The following MAP3K1 variants were observed in gnomAD, a reference collection of about 807,000 sequenced individuals.
MAP3K1 encodes mitogen-activated protein kinase kinase kinase 1, also known as MAP/ERK kinase kinase 1.
A neutral mutation model predicts 144.2 loss-of-function variants in MAP3K1; 36 were observed. The ratio of observed to expected loss-of-function variants is 0.25; its 90% CI spans 0.19 to 0.33. The LOEUF is 0.33. Among genes scored for constraint, MAP3K1 ranks in the 10% least tolerant of loss-of-function variants. The pLI, the probability that MAP3K1 is intolerant of heterozygous loss-of-function variation, is 1.00. For missense variants in MAP3K1, 1,650 were observed against 1,881.9 expected (o/e 0.88, Z 2.28); for synonymous variants, 718 against 688.7 (o/e 1.04, Z -0.67).
Position 56,859,785 on chromosome 5 carries a change from A to G in MAP3K1, c.704A>G (p.Glu235Gly), listed in dbSNP as rs1005480603. ...CACTTAGCAGCTGAGTCTCCAGGAG[A>G]GGTCCAGGCAAGTGCGGCTTCACCA... ...MNHLAAESPG[E>G]VQASAASPAS... The change falls in exon 3 of 20, where the codon GAG (glutamate) becomes GGG (glycine). Residue 235 changes from glutamate (E) to glycine (G), a missense_variant. By Grantham distance (98) the Glu-to-Gly change is moderately conservative (BLOSUM62 -2). Around this residue, in one of 6 missense-constraint regions of MAP3K1, gnomAD observed 148 missense variants for 177.2 expected, o/e 0.84. Coordinates refer to ENST00000399503, the MANE Select transcript of MAP3K1 (RefSeq NM_005921.2). 3 of 1,614,082 alleles carry G rather than the reference A, an allele frequency of 1.9e-6. No homozygotes were observed. In the South Asian group the frequency reaches 3.3e-5, roughly 18 times the overall value.
chr5:56,872,828 C>G lies in MAP3K1; in HGVS notation c.1509C>G (p.His503Gln). 6.2e-7 allele frequency: 1 copy of G among 1,614,046 alleles called. No homozygotes were observed. The highest frequency in any genetic ancestry group is 8.5e-7 in the Non-Finnish European group (1 of 1,179,960). Reference sequence around the variant, plus strand: ...GTTTTGTTATTTTTCATTTTAGCCACGAGTTGTCAAGTCCTGTGGATTCCC... The same window carrying G: ...GTTTTGTTATTTTTCATTTTAGCCAGGAGTTGTCAAGTCCTGTGGATTCCC... ...SKWRSHDFYS[H>Q]ELSSPVDSPS... Residue 503 changes from histidine (H) to glutamine (Q), a missense_variant, in exon 9 of 20, where the codon CAC (histidine) becomes CAG (glutamine). This residue lies in a region of MAP3K1 where 841 missense variants were observed against 886.5 expected (regional missense o/e 0.95). Transcript: ENST00000399503.
intron 12 of MAP3K1, 71 bp downstream of exon 12, chr5:56,880,873 T>C: frequency 7.9e-7 from 1 of 1,273,834 alleles, no homozygotes; most frequent in Non-Finnish European, 1.1e-6. Context: ...TCTAATCTCA[T>C]AATCTCTCAT....
chr5:56,877,952 G>A (rs1748091010), intron 10 of MAP3K1, among the ~76,000 whole-genome samples: 1 of 152,174 alleles, frequency 6.6e-6, no homozygotes, highest in Admixed American at 6.5e-5. Context: ...TTTATCTGAT[G>A]TTTTCTCATG....
chr5:56,865,302 G>C, intron 4 of MAP3K1, 38 bp from the exon 5 acceptor site: 2 of 1,138,014 alleles, frequency 1.8e-6, no homozygotes, highest in Non-Finnish European at 2.7e-6. Flanking sequence ...GTGAACCACA[G>C]ATGTATTAAC....
intron 1 of MAP3K1, among the ~76,000 whole-genome samples, chr5:56,837,759 G>A (rs141601881): frequency 4.6e-5 from 7 of 152,318 alleles, no homozygotes; most frequent in African/African-American, 1.4e-4. Context: ...ACATAAGCTT[G>A]AGACCCATTT....
Position 56,894,149 on chromosome 5 carries a change from A to G in MAP3K1, c.*469A>G, listed in dbSNP as rs1748633185. 1 of 301,310 alleles carries G rather than the reference A, an allele frequency of 3.3e-6. No homozygotes were observed. The highest frequency in any genetic ancestry group is 4.8e-5 in the East Asian group (1 of 20,738). The allele number at this position is 301,310 out of a possible 1,614,324, so 18.7% of individuals were successfully genotyped here. A position where few individuals can be genotyped will look rare whatever the true frequency, so the allele number is the denominator to read the frequency against. ...GTATCTGCCTCTTTTAGGTCAGAGT[A>G]TGCTATGAGTAGCAATACATACATA... On this transcript the variant is annotated 3_prime_UTR_variant, in exon 20 of 20. Transcript: ENST00000399503.
In MAP3K1 at chr5:56,895,761, T is replaced by G; in HGVS notation, c.*2081T>G. 1 of 232,158 alleles carries G rather than the reference T, an allele frequency of 4.3e-6. No homozygotes were observed. The highest frequency in any genetic ancestry group is 8.5e-6 in the Non-Finnish European group (1 of 117,382). 14.4% of individuals were successfully genotyped at this position (232,158 alleles called of 1,614,324 possible). The stretch of plus-strand genomic sequence containing the variant: ...GACTGGAAATTGTATCGTGTAATTA[T>G]TTTTGTGTTCTTAATGTTATTTGGT... On this transcript the variant is annotated 3_prime_UTR_variant, in exon 20 of 20. Transcript: ENST00000399503.
At chr5:56,888,714 C>T (rs538625859) in intron 19 of MAP3K1, among the ~76,000 whole-genome samples, 14 of 152,180 alleles carry the variant, frequency 9.2e-5, no homozygotes, top group African/African-American at 2.9e-4. Context: ...GATGATTTTG[C>T]GGAACAGTAG....
intron 6 of MAP3K1, among the ~76,000 whole-genome samples, chr5:56,868,913 G>C (rs1405126657): frequency 6.6e-6 from 1 of 152,070 alleles, no homozygotes; most frequent in Admixed American, 6.6e-5. Context: ...CAACATGGAT[G>C]AACCTTTAGG....
At chr5:56,869,521 T>G (rs1380762972) in intron 6 of MAP3K1, among the ~76,000 whole-genome samples, 1 of 152,180 alleles carries the variant, frequency 6.6e-6, no homozygotes, top group African/African-American at 2.4e-5. Context: ...AGAGTTTAAG[T>G]GCAATTTTAT....
intron 1 of MAP3K1, among the ~76,000 whole-genome samples, chr5:56,816,442 C>T (rs1581199927): frequency 6.6e-6 from 1 of 151,748 alleles, no homozygotes; most frequent in African/African-American, 2.4e-5. Flanking sequence ...CGGGTGTCCC[C>T]GGGGCAAAGG....
intron 10 of MAP3K1, among the ~76,000 whole-genome samples, chr5:56,877,916 T>A (rs1748089723): frequency 6.6e-6 from 1 of 152,220 alleles, no homozygotes; most frequent in Non-Finnish European, 1.5e-5. Flanking sequence ...TGGCCAGTTA[T>A]TTTGTAGAAT....
chr5:56,846,516 C>G (rs891942764), intron 1 of MAP3K1, among the ~76,000 whole-genome samples: 1 of 152,206 alleles, frequency 6.6e-6, no homozygotes, highest in Non-Finnish European at 1.5e-5. Context: ...TGCTAGTCTT[C>G]TAGAGTTTTC....
rs562901663 is a variant in MAP3K1, at chr5:56,885,265, G to C, written c.3982+439G>C. Among the ~76,000 whole-genome samples the C allele has an allele frequency of 1.2e-3, 176 of 152,232 alleles. 1 individual carries two copies. Among genetic ancestry groups the C allele is most frequent in the Non-Finnish European group, 2.1e-3 (145 of 67,986 alleles). On this transcript the variant is annotated intron_variant, in intron 16 of 19. Coordinates refer to ENST00000399503, the MANE Select transcript of MAP3K1 (RefSeq NM_005921.2). ...ATCTGCTGAAATAAATGAAGACTGAGTTTTATTTTGTATTATACAATGTAT... is the reference window on the plus strand; with the variant it reads ...ATCTGCTGAAATAAATGAAGACTGACTTTTATTTTGTATTATACAATGTAT...
rs769063326 is a variant in MAP3K1, at chr5:56,882,757, A to C, written c.3557A>C (p.Glu1186Ala). Residue 1186 changes from glutamate (E) to alanine (A), a missense_variant, in exon 14 of 20, where the codon GAA (glutamate) becomes GCA (alanine). Physicochemically the swap from Glu to Ala is moderately radical, Grantham distance 107. Transcript: ENST00000399503. The stretch of plus-strand genomic sequence containing the variant: ...AAAGAGAAGATGGAAGCTGAAGAAG[A>C]AGAAGCTTTAGCAATTGCCATGGCA... ...KCKEKMEAEE[E>A]EALAIAMAMS... 6.2e-7 allele frequency: 1 copy of C among 1,612,410 alleles called. No individual in the cohort carries two copies. The highest frequency in any genetic ancestry group is 2.2e-5 in the East Asian group (1 of 44,868).
At chr5:56,889,017 AAC>A (rs1312082150) in intron 19 of MAP3K1, among the ~76,000 whole-genome samples, 2 of 152,226 alleles carry the variant, frequency 1.3e-5, no homozygotes, top group East Asian at 3.8e-4. Context: ...CAAATACTAA[AAC>A]ACTGCTTCTA....
At chr5:56,868,142 T>A (rs1466476275) in intron 6 of MAP3K1, among the ~76,000 whole-genome samples, 1 of 152,210 alleles carries the variant, frequency 6.6e-6, no homozygotes, top group Non-Finnish European at 1.5e-5. Context: ...TTTGGTCTCT[T>A]TTAAAACTAC....
intron 9 of MAP3K1, 43 bp downstream of exon 9, chr5:56,873,048 A>G (rs772580331): frequency 6.5e-7 from 1 of 1,544,656 alleles, no homozygotes; most frequent in South Asian, 1.1e-5. Flanking sequence ...AAATATTTAT[A>G]GATCAATTAA....
In MAP3K1 at chr5:56,881,734, G is replaced by A. The variant is rs750114442; in HGVS notation, c.2534G>A (p.Ser845Asn). The change falls in exon 14 of 20, where the codon AGT becomes AAT. Residue 845 changes from serine to asparagine, a missense_variant. Transcript: ENST00000399503. ...SKLLEMLSVS[S>N]STHFTRMRRR... ...CTGTTAGAAATGCTGAGTGTTTCCA[G>A]TTCCACTCACTTCACCAGGATGCGT... 1.4e-5 allele frequency: 23 copies of A among 1,614,020 alleles called. No individual in the cohort carries two copies. The highest frequency in any genetic ancestry group is 1.6e-4 in the Middle Eastern group (1 of 6,084).
Sources: allele counts gnomAD v4.1 joint callset (sites outside exome capture counted in the v4.1 genomes callset), GRCh38; gene constraint gnomAD v4.1.1; regional missense constraint gnomAD v4.1.1; transcripts MANE v1.5; gene names NCBI Gene and HGNC (gene_info 2026-07-23, HGNC 2026-07-21).